The following ZFHX3 variants were observed in gnomAD, a reference collection of about 807,000 sequenced individuals.
ZFHX3 encodes zinc finger homeobox 3, also known as zinc finger homeobox protein 3.
A neutral mutation model predicts 279.1 loss-of-function variants in ZFHX3; 42 were observed. That is an observed-to-expected ratio of 0.15 (90% CI 0.12 to 0.19). ZFHX3 has a LOEUF of 0.19. Among genes scored for constraint, ZFHX3 ranks in the 10% least tolerant of loss-of-function variants. The pLI, the probability that ZFHX3 is intolerant of heterozygous loss-of-function variation, is 1.00. For missense variants in ZFHX3, 4,981 were observed against 4,754.0 expected, an observed-to-expected ratio of 1.05 and a Z score of -1.40; for synonymous variants, 2,293 against 1,957.8, an observed-to-expected ratio of 1.17 and a Z score of -4.52.
chr16:72,890,036 T>G, intron 3 of ZFHX3, 74 bp from the exon 4 acceptor site: 1 of 1,362,868 alleles, frequency 7.3e-7, no homozygotes, highest in Non-Finnish European at 1.0e-6. Flanking sequence ...GCCCACACCA[T>G]CCTGGTCACA....
chr16:73,852,188 G>C (rs528675862), intron 1 of ZFHX3, among the ~76,000 whole-genome samples: 1 of 152,208 alleles, frequency 6.6e-6, no homozygotes, highest in Non-Finnish European at 1.5e-5. Flanking sequence ...ACTGCAGGCT[G>C]TTTTGTTCCA....
At chr16:73,685,934 G>A (rs930668868) in intron 1 of ZFHX3, among the ~76,000 whole-genome samples, 1 of 152,176 alleles carries the variant, frequency 6.6e-6, no homozygotes, top group Non-Finnish European at 1.5e-5. Flanking sequence ...GGAAGTGTGG[G>A]ATGTTATTCT....
rs1423043138 is a variant in ZFHX3 at position 72,795,480 on chromosome 16, G to A, written c.7202C>T (p.Thr2401Ile). ...AAGCTGCAAGAAAGCGGAGGAAGCT[G>A]TATTATTGGCTGATGGTGCTGGGGC... ...YSAPAPSANNTASSAFLQLTA... is the reference protein window; with the variant it reads ...YSAPAPSANNIASSAFLQLTA... Residue 2401 changes from threonine to isoleucine, a missense_variant, in exon 9 of 10, where the codon ACA becomes ATA. Physicochemically the swap from Thr to Ile is moderately conservative, Grantham distance 89. Coordinates refer to ENST00000268489, the MANE Select transcript of ZFHX3 (RefSeq NM_006885.4). The A allele has an allele frequency of 1.2e-6, 2 of 1,614,190 alleles. No homozygotes were observed. Among genetic ancestry groups the A allele is most frequent in the Admixed American group, 1.7e-5 (1 of 60,028 alleles).
In ZFHX3 at chr16:72,797,104, T is replaced by C. The variant is rs1425139103; in HGVS notation, c.5578A>G (p.Ile1860Val). 2.5e-6 allele frequency: 4 copies of C among 1,613,768 alleles called. No individual in the cohort carries two copies. The highest frequency in any genetic ancestry group is 1.3e-5 in the African/African-American group (1 of 74,888). ...LPQQQQNQLSIAQSHSALLQP... is the reference protein window; with the variant it reads ...LPQQQQNQLSVAQSHSALLQP... ...AGGAGGGCAGAGTGACTCTGGGCTA[T>C]AGAGAGTTGGTTCTGCTGCTGCTGC... The change falls in exon 9 of 10, where the codon ATA (isoleucine) becomes GTA (valine). Residue 1860 changes from isoleucine to valine, a missense_variant. Physicochemically the swap from Ile to Val is conservative, Grantham distance 29. Around this residue, in one of 7 missense-constraint regions of ZFHX3, gnomAD observed 1,751 missense variants for 1,770.0 expected, o/e 0.99. Coordinates refer to ENST00000268489, the MANE Select transcript of ZFHX3 (RefSeq NM_006885.4).
At chr16:73,055,600 A>G (rs577793506) in intron 1 of ZFHX3, among the ~76,000 whole-genome samples, 2 of 152,108 alleles carry the variant, frequency 1.3e-5, no homozygotes, top group Non-Finnish European at 2.9e-5. Context: ...AAGCTGCTCC[A>G]TATTTAATAG....
intron 5 of ZFHX3, among the ~76,000 whole-genome samples, chr16:73,234,436 T>C (rs1177437589): frequency 6.6e-6 from 1 of 152,214 alleles, no homozygotes; most frequent in Admixed American, 6.5e-5. Flanking sequence ...TGTTTTTATT[T>C]TTTGATGAAA....
intron 5 of ZFHX3, among the ~76,000 whole-genome samples, chr16:73,149,310 A>G (rs1028483747): frequency 1.7e-4 from 25 of 149,562 alleles, no homozygotes; most frequent in African/African-American, 6.1e-4. Flanking sequence ...ATTATACTTT[A>G]TTAATATTAA....
intron 4 of ZFHX3, among the ~76,000 whole-genome samples, chr16:72,885,485 G>A (rs1195702356): frequency 6.6e-6 from 1 of 152,254 alleles, no homozygotes; most frequent in Admixed American, 6.5e-5. Flanking sequence ...CAGGCTACAT[G>A]ATGAACTGGA....
intron 3 of ZFHX3, among the ~76,000 whole-genome samples, chr16:73,334,142 G>A (rs973933422): frequency 7.2e-5 from 11 of 152,198 alleles, no homozygotes; most frequent in African/African-American, 2.2e-4. Context: ...AGCAGGGCCA[G>A]GAGAATGGAG....
intron 1 of ZFHX3, among the ~76,000 whole-genome samples, chr16:73,880,912 A>G (rs1261281368): frequency 2.0e-5 from 3 of 152,200 alleles, no homozygotes; most frequent in Non-Finnish European, 4.4e-5. Context: ...CTTTGATGAT[A>G]TAGGCGAGAA....
intron 3 of ZFHX3, among the ~76,000 whole-genome samples, chr16:73,330,710 G>T (rs1412568093): frequency 6.6e-6 from 1 of 152,144 alleles, no homozygotes; most frequent in Non-Finnish European, 1.5e-5. Flanking sequence ...AGATTGAGGG[G>T]AGGATGGGTC....
At chr16:73,367,268 A>G (rs1013265027) in intron 3 of ZFHX3, among the ~76,000 whole-genome samples, 8 of 152,204 alleles carry the variant, frequency 5.3e-5, no homozygotes, top group Non-Finnish European at 8.8e-5. Flanking sequence ...CAAGGCAGAA[A>G]GAGATCCCAT....
intron 5 of ZFHX3, among the ~76,000 whole-genome samples, chr16:73,246,347 T>C (rs114953103): frequency 0.016 from 2,420 of 152,196 alleles, 67 homozygotes; most frequent in African/African-American, 0.053. Context: ...GAAACGCACA[T>C]AAGTCACATA....
At chr16:73,464,677 G>C (rs2018532797) in intron 2 of ZFHX3, among the ~76,000 whole-genome samples, 1 of 152,180 alleles carries the variant, frequency 6.6e-6, no homozygotes, top group Non-Finnish European at 1.5e-5. Flanking sequence ...ATTGTCTAAA[G>C]ACGGAGCTGC....
chr16:73,271,975 A>T (rs998849093), intron 4 of ZFHX3, among the ~76,000 whole-genome samples: 1 of 152,168 alleles, frequency 6.6e-6, no homozygotes, highest in African/African-American at 2.4e-5. Context: ...ACAAAATAAT[A>T]ATAGCTAACA....
chr16:73,396,312 T>C (rs2017128637), intron 3 of ZFHX3, among the ~76,000 whole-genome samples: 1 of 152,242 alleles, frequency 6.6e-6, no homozygotes. Flanking sequence ...GTATACCATG[T>C]AGGCTCAAAC....
At chr16:73,258,318 T>C (rs2013716106) in intron 4 of ZFHX3, among the ~76,000 whole-genome samples, 1 of 147,744 alleles carries the variant, frequency 6.8e-6, no homozygotes, top group Admixed American at 6.9e-5. Flanking sequence ...TATTCATCGT[T>C]CCCTATTATT....
intron 1 of ZFHX3, among the ~76,000 whole-genome samples, chr16:73,824,655 G>A (rs1449878985): frequency 1.9e-5 from 2 of 105,468 alleles, no homozygotes; most frequent in South Asian, 7.7e-4. Flanking sequence ...TGCGGTGTTT[G>A]GTTTTTTGTT....
At chr16:73,471,381 C>A (rs2018663490) in intron 2 of ZFHX3, among the ~76,000 whole-genome samples, 1 of 152,080 alleles carries the variant, frequency 6.6e-6, no homozygotes, top group South Asian at 2.1e-4. Flanking sequence ...GGGCATGTAA[C>A]CAATCTAGTT....
Sources: gnomAD v4.1 joint callset for allele counts (sites outside exome capture counted in the v4.1 genomes callset) on GRCh38, gnomAD v4.1.1 for gene constraint, gnomAD v4.1.1 regional missense constraint, MANE v1.5 for transcripts, NCBI Gene and HGNC (gene_info 2026-07-23, HGNC 2026-07-21) for gene names.